PRR5L: variants seen among roughly 807,000 people sequenced by gnomAD.
The protein encoded by PRR5L is proline-rich protein 5-like.
A neutral mutation model predicts 36.4 loss-of-function variants in PRR5L; 21 were observed. The observed-to-expected ratio is 0.58, with a 90% CI of 0.41 to 0.83. The LOEUF is 0.83. PRR5L is among the 40% of genes least tolerant of loss of function. The pLI is 0.00. For synonymous variants in PRR5L, 188 were observed against 197.0 expected, an observed-to-expected ratio of 0.95 and a Z score of 0.38; for missense variants, 381 against 473.3, an observed-to-expected ratio of 0.80 and a Z score of 1.81.
intron 3 of PRR5L, among the ~76,000 whole-genome samples, chr11:36,418,680 C>T (rs1351030390): frequency 6.6e-6 from 1 of 151,978 alleles, no homozygotes; most frequent in Non-Finnish European, 1.5e-5. Flanking sequence ...CCTGTGGTCC[C>T]AGCTACTCGG....
At chr11:36,342,742 G>A (rs1856829293) in intron 1 of PRR5L, among the ~76,000 whole-genome samples, 1 of 152,120 alleles carries the variant, frequency 6.6e-6, no homozygotes, top group Admixed American at 6.5e-5. Context: ...TTTCCTCTCA[G>A]TGTTCTGACC....
chr11:36,461,736 G>C (rs1259242437), intron 8 of PRR5L, among the ~76,000 whole-genome samples: 1 of 152,192 alleles, frequency 6.6e-6, no homozygotes, highest in African/African-American at 2.4e-5. Context: ...AAGGCTGTTT[G>C]AGTCCAGGAG....
intron 1 of PRR5L, among the ~76,000 whole-genome samples, chr11:36,345,225 G>A (rs1012009962): frequency 1.3e-5 from 2 of 152,090 alleles, no homozygotes; most frequent in East Asian, 3.9e-4. Flanking sequence ...GAAGAAGGGG[G>A]CACGTGACTG....
At position 36,344,498 on chromosome 11, in the gene PRR5L, G is replaced by A. The variant is rs960359746; in HGVS notation, c.-126+48060G>A. On this transcript the variant is annotated intron_variant, in intron 1 of 8. Coordinates refer to ENST00000530639, the MANE Select transcript of PRR5L (RefSeq NM_001160167.2). The surrounding 1 kb of genome is among the most constrained non-coding windows in gnomAD (Gnocchi z 4.1). ...ATGGCTATATTGTACCACCTGTTTT[G>A]GACATTAACTTCATTTGTACTTTTG... 3.3e-5 allele frequency among the ~76,000 whole-genome samples: 5 copies of A among 151,982 alleles called. No homozygotes were observed. Among genetic ancestry groups the A allele is most frequent in the Non-Finnish European group, 4.4e-5 (3 of 67,986 alleles).
intron 1 of PRR5L, among the ~76,000 whole-genome samples, chr11:36,301,247 G>A (rs1590420559): frequency 6.6e-6 from 1 of 152,192 alleles, no homozygotes; most frequent in Non-Finnish European, 1.5e-5. Flanking sequence ...TTGGAACTTG[G>A]TAGGCAGGTT....
chr11:36,334,012 A>C (rs1175959658), intron 1 of PRR5L, among the ~76,000 whole-genome samples: 1 of 148,224 alleles, frequency 6.7e-6, no homozygotes, highest in Non-Finnish European at 1.5e-5. Flanking sequence ...CTTCATCCTC[A>C]TGGTCCAAGA....
intron 3 of PRR5L, among the ~76,000 whole-genome samples, chr11:36,411,070 C>T (rs536950676): frequency 6.6e-6 from 1 of 152,314 alleles, no homozygotes; most frequent in East Asian, 1.9e-4. Context: ...GGCTAACCTG[C>T]AGCACTTCTT....
intron 1 of PRR5L, among the ~76,000 whole-genome samples, chr11:36,387,562 G>A (rs1857480661): frequency 6.6e-6 from 1 of 152,146 alleles, no homozygotes; most frequent in East Asian, 1.9e-4. Context: ...ATCAGCCCCT[G>A]CCTCCTCTCT....
chr11:36,429,826 C>G (rs1282261686), intron 4 of PRR5L, among the ~76,000 whole-genome samples: 1 of 152,154 alleles, frequency 6.6e-6, no homozygotes, highest in African/African-American at 2.4e-5. Flanking sequence ...GGAGTGGTTG[C>G]CATCTGAACA....
chr11:36,419,173 G>A (rs190210560), intron 3 of PRR5L, 82 bp from the exon 4 acceptor site: 85 of 1,321,944 alleles, frequency 6.4e-5, no homozygotes, highest in Middle Eastern at 2.1e-4. Flanking sequence ...GCCCCACCCC[G>A]TGCCACTGGT....
chr11:36,376,704 G>A, intron 1 of PRR5L: 1 of 989,138 alleles, frequency 1.0e-6, no homozygotes, highest in South Asian at 4.6e-5. Context: ...ACCCCAAGGA[G>A]GTGAGTGGTG....
chr11:36,384,204 C>A (rs1194186214), intron 1 of PRR5L, among the ~76,000 whole-genome samples: 2 of 152,294 alleles, frequency 1.3e-5, no homozygotes, highest in East Asian at 3.9e-4. Context: ...TCTCCAGGCC[C>A]CATATTCTTT....
chr11:36,403,466 T>TGTTG lies in PRR5L; in HGVS notation c.245+88_245+89insGTTG. On this transcript the variant is annotated intron_variant, in intron 3 of 8. Transcript: ENST00000530639. ...TACCGCCTTAGGAGCCTTAAGGGTTTTTTTTTTTTTTTTCCTGCTTGATTC... is the reference window on the plus strand; with the variant it reads ...TACCGCCTTAGGAGCCTTAAGGGTTTGTTGTTTTTTTTTTTTTCCTGCTTGATTC... 1.4e-5 allele frequency: 12 copies of TGTTG among 851,008 alleles called. No homozygotes were observed. In the South Asian group the frequency reaches 2.0e-4, roughly 14 times the overall value. The allele number at this position is 851,008 out of a possible 1,614,324, so 52.7% of individuals were successfully genotyped here. A position where few individuals can be genotyped will look rare whatever the true frequency, so the allele number is the denominator to read the frequency against.
intron 1 of PRR5L, among the ~76,000 whole-genome samples, chr11:36,391,603 T>C (rs1429767020): frequency 4.6e-5 from 7 of 152,200 alleles, no homozygotes; most frequent in Non-Finnish European, 1.0e-4. Context: ...TTAATGTAAA[T>C]GGCATTGGTC....
chr11:36,437,067 G>A (rs7929580), intron 5 of PRR5L, among the ~76,000 whole-genome samples: 112,570 of 152,076 alleles, frequency 0.74, 44,521 homozygotes, highest in Non-Finnish European at 0.88. Flanking sequence ...CTAATGCTGC[G>A]CCTCCCATTC....
chr11:36,437,628 C>T (rs1175653476), intron 6 of PRR5L, 152 bp downstream of exon 6: 1 of 556,840 alleles, frequency 1.8e-6, no homozygotes, highest in Non-Finnish European at 3.2e-6. Context: ...TAAGGGCTCT[C>T]TGGTTCTATA....
intron 4 of PRR5L, among the ~76,000 whole-genome samples, chr11:36,428,100 C>T (rs1345357910): frequency 6.6e-6 from 1 of 152,206 alleles, no homozygotes; most frequent in African/African-American, 2.4e-5. Context: ...AGTCCTGACT[C>T]TCCCTGTACC....
At chr11:36,444,109 A>C (rs1590597842) in intron 6 of PRR5L, among the ~76,000 whole-genome samples, 1 of 152,350 alleles carries the variant, frequency 6.6e-6, no homozygotes, top group East Asian at 1.9e-4. Context: ...ACACACACAC[A>C]CGTGTGCAAA....
At chr11:36,307,351 A>T (rs1166283761) in intron 1 of PRR5L, among the ~76,000 whole-genome samples, 1 of 152,218 alleles carries the variant, frequency 6.6e-6, no homozygotes, top group Non-Finnish European at 1.5e-5. Context: ...TGGCAGAGGT[A>T]GATACTGTTA....
Sources: gnomAD v4.1 joint callset for allele counts (sites outside exome capture counted in the v4.1 genomes callset) on GRCh38, gnomAD v4.1.1 for gene constraint, Gnocchi (gnomAD v3.1) non-coding constraint, MANE v1.5 for transcripts, NCBI Gene and HGNC (gene_info 2026-07-23, HGNC 2026-07-21) for gene names.